Variants in CNTN5 observed in about 807,000 individuals in gnomAD.
The protein encoded by CNTN5 is contactin-5.
Under a neutral mutation model 129.1 loss-of-function variants are expected in CNTN5, and 77 were observed. The ratio of observed to expected loss-of-function variants is 0.60; its 90% CI spans 0.50 to 0.72. The LOEUF is 0.72. CNTN5 is among the 30% of genes least tolerant of loss of function. The probability of loss-of-function intolerance (pLI) is 0.00; values close to 1 mark genes in which losing one functional copy is unlikely to be tolerated. For missense variants in CNTN5, 1,478 were observed against 1,328.8 expected, an observed-to-expected ratio of 1.11 and a Z score of -1.75; for synonymous variants, 509 against 465.6, an observed-to-expected ratio of 1.09 and a Z score of -1.20.
At chr11:100,168,986 G>A (rs181678738) in intron 13 of CNTN5, among the ~76,000 whole-genome samples, 2 of 152,050 alleles carry the variant, frequency 1.3e-5, no homozygotes, top group Non-Finnish European at 2.9e-5. Flanking sequence ...CTGCAGATGT[G>A]TTAGGAAAGA....
intron 1 of CNTN5, among the ~76,000 whole-genome samples, chr11:99,147,008 G>C (rs542555311): frequency 6.6e-6 from 1 of 152,058 alleles, no homozygotes; most frequent in Non-Finnish European, 1.5e-5. Flanking sequence ...GGCATGAGTC[G>C]ATGCATTAAG....
intron 2 of CNTN5, among the ~76,000 whole-genome samples, chr11:99,540,030 C>T (rs960045959): frequency 7.2e-5 from 11 of 152,130 alleles, no homozygotes; most frequent in Admixed American, 5.9e-4. Context: ...ACTTCTTTCT[C>T]CTGTGTCATC....
At chr11:99,994,563 C>G (rs949125841) in intron 8 of CNTN5, among the ~76,000 whole-genome samples, 1 of 152,134 alleles carries the variant, frequency 6.6e-6, no homozygotes, top group Non-Finnish European at 1.5e-5. Context: ...CCAGCACTCA[C>G]AGGGACTCAT....
intron 1 of CNTN5, among the ~76,000 whole-genome samples, chr11:99,077,949 A>C (rs1452285487): frequency 6.6e-6 from 1 of 152,180 alleles, no homozygotes; most frequent in Non-Finnish European, 1.5e-5. Flanking sequence ...TAGCAGTATG[A>C]AAATGGACAA....
At chr11:99,895,674 T>TC (rs375734653) in intron 6 of CNTN5, among the ~76,000 whole-genome samples, 16 of 152,064 alleles carry the variant, frequency 1.1e-4, no homozygotes, top group African/African-American at 3.1e-4. Flanking sequence ...AGTAAGAGTC[T>TC]CCCCTGGGGA....
At chr11:99,863,715 A>G (rs1006112070) in intron 6 of CNTN5, among the ~76,000 whole-genome samples, 51 of 152,212 alleles carry the variant, frequency 3.4e-4, no homozygotes, top group African/African-American at 1.2e-3. Context: ...TATAGCTACT[A>G]TTGCTGTTGT....
At chr11:100,160,524 G>A (rs1470762077) in intron 13 of CNTN5, among the ~76,000 whole-genome samples, 1 of 151,872 alleles carries the variant, frequency 6.6e-6, no homozygotes, top group African/African-American at 2.4e-5. Flanking sequence ...TAGAAATGTA[G>A]TTTCATCAAG....
intron 6 of CNTN5, among the ~76,000 whole-genome samples, chr11:99,848,181 G>C (rs572661513): frequency 1.2e-4 from 19 of 152,296 alleles, no homozygotes; most frequent in African/African-American, 4.3e-4. Context: ...CTGCACTCCA[G>C]CCTGGGCGAC....
Position 99,453,770 on chromosome 11 carries a change from A to G in CNTN5, c.-70-102375A>G, listed in dbSNP as rs947285152. Among the ~76,000 whole-genome samples, 3 of 152,174 alleles carry G rather than the reference A, an allele frequency of 2.0e-5. 1 individual carries two copies. Among genetic ancestry groups the G allele is most frequent in the South Asian group, 4.1e-4 (2 of 4,834 alleles). The stretch of plus-strand genomic sequence containing the variant: ...TATATCTGTTAGGAAGAAATTAGAA[A>G]AATAGGGAAAATGTGCAAAGGGAAT... On this transcript the variant is annotated intron_variant, in intron 2 of 24. Coordinates refer to ENST00000524871, the MANE Select transcript of CNTN5 (RefSeq NM_014361.4).
At chr11:100,176,323 AC>A (rs1947962438) in intron 13 of CNTN5, among the ~76,000 whole-genome samples, 1 of 152,148 alleles carries the variant, frequency 6.6e-6, no homozygotes, top group Non-Finnish European at 1.5e-5. Context: ...CCAGCCTATG[AC>A]AATGGAAGAA....
chr11:99,729,475 G>A (rs1047465140), intron 3 of CNTN5, among the ~76,000 whole-genome samples: 3 of 152,080 alleles, frequency 2.0e-5, no homozygotes, highest in Admixed American at 1.3e-4. Context: ...GTAGGCCCCA[G>A]TGTCTGTTGT....
intron 4 of CNTN5, among the ~76,000 whole-genome samples, chr11:99,830,549 C>T (rs567430522): frequency 1.3e-5 from 2 of 152,134 alleles, no homozygotes; most frequent in Admixed American, 1.3e-4. Context: ...GACACAAGCA[C>T]AAAATGTGAT....
At chr11:99,130,496 A>AC (rs1346265963) in intron 1 of CNTN5, among the ~76,000 whole-genome samples, 2 of 152,232 alleles carry the variant, frequency 1.3e-5, no homozygotes, top group East Asian at 1.9e-4. Context: ...AAAGATTTAG[A>AC]CCCCCACACG....
chr11:99,841,138 C>CG (rs1275865658), intron 4 of CNTN5, among the ~76,000 whole-genome samples: 1 of 151,964 alleles, frequency 6.6e-6, no homozygotes, highest in East Asian at 1.9e-4. Flanking sequence ...TTTATGTTGA[C>CG]GCACTGGCTT....
At chr11:99,044,891 C>T (rs997529451) in intron 1 of CNTN5, among the ~76,000 whole-genome samples, 1 of 152,150 alleles carries the variant, frequency 6.6e-6, no homozygotes, top group South Asian at 2.1e-4. Context: ...AGTGAACAAA[C>T]AAGTTGCCTG....
chr11:99,270,774 C>T (rs985732410), intron 1 of CNTN5, among the ~76,000 whole-genome samples: 1 of 151,960 alleles, frequency 6.6e-6, no homozygotes, highest in Non-Finnish European at 1.5e-5. Context: ...AATTCCAAAT[C>T]CACTTTGAAA....
In CNTN5 at chr11:99,844,869, C is replaced by T. The variant is rs758622074; in HGVS notation, c.295C>T (p.Pro99Ser). ...FKQDESVDYG[P>S]VFVQEPDDII... Reference sequence around the variant, plus strand: ...CTTTACAGAAAGTGTGGACTATGGGCCAGTTTTTGTGCAAGAACCAGATGA... The same window carrying T: ...CTTTACAGAAAGTGTGGACTATGGGTCAGTTTTTGTGCAAGAACCAGATGA... The change falls in exon 5 of 25, where the codon CCA becomes TCA. Residue 99 changes from proline to serine, a missense_variant. Transcript: ENST00000524871. 3 of 1,613,186 alleles carry T rather than the reference C, an allele frequency of 1.9e-6. No homozygotes were observed. Among genetic ancestry groups the T allele is most frequent in the Non-Finnish European group, 2.5e-6 (3 of 1,179,448 alleles).
At chr11:99,402,726 T>C (rs1471898236) in intron 2 of CNTN5, among the ~76,000 whole-genome samples, 1 of 152,170 alleles carries the variant, frequency 6.6e-6, no homozygotes, top group Non-Finnish European at 1.5e-5. Context: ...TGGGAGACTT[T>C]ATTACAGCTC....
intron 8 of CNTN5, among the ~76,000 whole-genome samples, chr11:99,976,152 C>G (rs899660711): frequency 6.6e-6 from 1 of 152,236 alleles, no homozygotes; most frequent in South Asian, 2.1e-4. Context: ...TCTCCATTGA[C>G]TCCACGTCTC....
Sources: gnomAD v4.1 joint callset for allele counts (sites outside exome capture counted in the v4.1 genomes callset) on GRCh38, gnomAD v4.1.1 for gene constraint, MANE v1.5 for transcripts, NCBI Gene and HGNC (gene_info 2026-07-23, HGNC 2026-07-21) for gene names.